LYPD8: variants seen among roughly 807,000 people sequenced by gnomAD.
LYPD8 encodes the protein LY6/PLAUR domain containing 8, also known as ly6/PLAUR domain-containing protein 8.
In LYPD8, 8 loss-of-function variants were observed where a neutral mutation model predicts 1.7. The ratio of observed to expected loss-of-function variants is 4.58; its 90% CI spans 2.69 to 8.27. The LOEUF (loss-of-function observed/expected upper bound fraction) is 8.27. LYPD8 is among the 30% of genes most tolerant of loss of function. The pLI is 0.00. For synonymous variants in LYPD8, 50 were observed against 43.6 expected (o/e 1.15, Z -0.58); for missense variants, 112 against 102.3 (o/e 1.09, Z -0.41).
chr1:248,741,125 A>G (rs929595988), intron 6 of LYPD8, among the ~76,000 whole-genome samples: 6 of 152,192 alleles, frequency 3.9e-5, no homozygotes, highest in African/African-American at 1.2e-4. Context: ...AACAGCAACA[A>G]CAACAAAGGC....
chr1:248,743,219 C>A (rs558319734), intron 6 of LYPD8, among the ~76,000 whole-genome samples: 8 of 152,268 alleles, frequency 5.3e-5, no homozygotes, highest in African/African-American at 1.9e-4. Flanking sequence ...AATCCCAGCA[C>A]CTTCGGAGAC....
In LYPD8 at chr1:248,740,697, G is replaced by C. The variant is rs1553283233; in HGVS notation, c.476-848C>G. On this transcript the variant is annotated intron_variant, in intron 6 of 6. Coordinates refer to ENST00000590317, the MANE Select transcript of LYPD8 (RefSeq NM_001085474.2). ...AGCAGGGCCGCAATTTGAGTTCAAG[G>C]CTGGCTCTAGGACCAGGCATGAAGC... is the stretch of plus-strand genomic sequence containing the variant. 1.3e-5 allele frequency among the ~76,000 whole-genome samples: 2 copies of C among 148,286 alleles called. 1 individual carries two copies. Among genetic ancestry groups the C allele is most frequent in the Non-Finnish European group, 2.9e-5 (2 of 67,892 alleles).
intron 2 of LYPD8, among the ~76,000 whole-genome samples, chr1:248,752,806 AACAC>A (rs1279786243): frequency 2.7e-5 from 2 of 73,928 alleles, no homozygotes; most frequent in East Asian, 5.7e-4. Context: ...CACACCCCAC[AACAC>A]ACACACATCA....
Position 248,739,846 on chromosome 1 carries a change from ATGTC to A in LYPD8, c.476-1_478del. The A allele has an allele frequency of 6.4e-7, 1 of 1,551,708 alleles. No individual in the cohort carries two copies. The highest frequency in any genetic ancestry group is 8.7e-7 in the Non-Finnish European group (1 of 1,146,984). On this transcript the variant is annotated splice_acceptor_variant and coding_sequence_variant, in exon 7 of 7. Coordinates refer to ENST00000590317, the MANE Select transcript of LYPD8 (RefSeq NM_001085474.2). LOFTEE classifies it high-confidence loss of function. This position sits in a 1 kb window ranked among gnomAD's most constrained non-coding sequence, Gnocchi z 4.3. ...TTTCAGCACGAGACTCTTAGACTCAATGTCTGTGAATGCAAAGGAGACAGGAGGG... is the reference window on the plus strand; with the variant it reads ...TTTCAGCACGAGACTCTTAGACTCAATGTGAATGCAAAGGAGACAGGAGGG...
At chr1:248,748,833 C>A (rs1051998017) in intron 4 of LYPD8, among the ~76,000 whole-genome samples, 4 of 152,160 alleles carry the variant, frequency 2.6e-5, no homozygotes, top group Admixed American at 6.5e-5. Flanking sequence ...AAAAATTGAA[C>A]CTGAATCCAG....
intron 2 of LYPD8, among the ~76,000 whole-genome samples, chr1:248,753,897 T>A: frequency 7.4e-6 from 1 of 135,896 alleles, no homozygotes; most frequent in African/African-American, 2.9e-5. Context: ...ACACCACACA[T>A]CACATGTCAT....
chr1:248,753,544 A>ACCC (rs1572156884), intron 2 of LYPD8, among the ~76,000 whole-genome samples: 21 of 114,700 alleles, frequency 1.8e-4, no homozygotes, highest in African/African-American at 7.6e-4. Context: ...ACACCACATC[A>ACCC]CACAAAACAC....
chr1:248,754,045 G>A (rs1202911592), intron 2 of LYPD8, among the ~76,000 whole-genome samples: 1 of 131,408 alleles, frequency 7.6e-6, no homozygotes. Flanking sequence ...CACATCACAT[G>A]TCACAAACAC....
intron 5 of LYPD8, 49 bp downstream of exon 5, chr1:248,748,240 C>T (rs1204364566): frequency 4.8e-5 from 18 of 375,604 alleles, no homozygotes; most frequent in East Asian, 4.3e-4. Context: ...GGGCATCCCC[C>T]GCACGGCCAG....
intron 6 of LYPD8, among the ~76,000 whole-genome samples, chr1:248,742,433 A>G (rs1441100102): frequency 2.2e-4 from 2 of 8,968 alleles, no homozygotes; most frequent in African/African-American, 1.2e-3. Context: ...GTCGGGGGAG[A>G]TTATGCTCTG....
rs782564451 is a variant in LYPD8, at chr1:248,739,705, G to C, written c.620C>G (p.Thr207Arg). 1.3e-6 allele frequency: 2 copies of C among 1,551,734 alleles called. No homozygotes were observed. The highest frequency in any genetic ancestry group is 2.4e-5 in the South Asian group (2 of 84,066). The change falls in exon 7 of 7, where the codon ACG (threonine) becomes AGG (arginine). Residue 207 changes from threonine to arginine, a missense_variant. Transcript: ENST00000590317. This position sits in a 1 kb window ranked among gnomAD's most constrained non-coding sequence, Gnocchi z 4.3. ...ECANVNSLTP[T>R]SAPTTSHNVG... Reference sequence around the variant, plus strand: ...GTTGTGGGAAGTGGTTGGTGCAGACGTGGGGGTTAAGCTGTTTACATTTGC... The same window carrying C: ...GTTGTGGGAAGTGGTTGGTGCAGACCTGGGGGTTAAGCTGTTTACATTTGC...
At chr1:248,743,637 C>A (rs73148531) in intron 6 of LYPD8, among the ~76,000 whole-genome samples, 17,856 of 152,178 alleles carry the variant, frequency 0.12, 3,267 homozygotes, top group African/African-American at 0.39. Context: ...AACTCTTACG[C>A]TTTTGAGCCA....
intron 5 of LYPD8, among the ~76,000 whole-genome samples, chr1:248,746,361 GAA>G (rs1283873384): frequency 2.6e-5 from 4 of 152,324 alleles, no homozygotes; most frequent in African/African-American, 9.6e-5. Context: ...TCTTCACTAA[GAA>G]AGAGGGGAGG....
chr1:248,749,499 A>T lies in LYPD8; in HGVS notation c.172+1025T>A, dbSNP rs1010319690. Among the ~76,000 whole-genome samples, 100 of 152,362 alleles carry T rather than the reference A, an allele frequency of 6.6e-4. 1 individual carries two copies. The South Asian group carries it at 0.02, about 31-fold the overall frequency. On this transcript the variant is annotated intron_variant, in intron 4 of 6. Transcript: ENST00000590317. The stretch of plus-strand genomic sequence containing the variant: ...TACAGTACTAGAGTCTGCAAAGTAC[A>T]ACATCAAAGTGCCAGCCTCTGGTGA...
At chr1:248,752,258 T>G (rs1662811755) in intron 2 of LYPD8, among the ~76,000 whole-genome samples, 1 of 151,898 alleles carries the variant, frequency 6.6e-6, no homozygotes, top group African/African-American at 2.4e-5. Flanking sequence ...AGAGTCCCAG[T>G]GGACAGTACT....
In LYPD8 at chr1:248,739,442, A is replaced by C. The variant is rs527723724; in HGVS notation, c.*169T>G. 3.6e-4 allele frequency: 323 copies of C among 888,094 alleles called. 1 individual carries two copies. The highest frequency in any genetic ancestry group is 3.5e-3 in the Middle Eastern group (10 of 2,846). The allele number at this position is 888,094 out of a possible 1,614,324, so 55.0% of individuals were successfully genotyped here. On this transcript the variant is annotated 3_prime_UTR_variant, in exon 7 of 7. Transcript: ENST00000590317. This position sits in a 1 kb window ranked among gnomAD's most constrained non-coding sequence, Gnocchi z 4.3. ...TGGGCAGTGAATGAACCAGTGCTTT[A>C]ATAATGAAGAACAAGGCAGCTGTCG... is the stretch of plus-strand genomic sequence containing the variant.
chr1:248,749,010 A>G (rs895624010), intron 4 of LYPD8, among the ~76,000 whole-genome samples: 2 of 152,262 alleles, frequency 1.3e-5, no homozygotes, highest in Non-Finnish European at 2.9e-5. Flanking sequence ...AGTATGGCAC[A>G]GTGTTAATAC....
intron 2 of LYPD8, among the ~76,000 whole-genome samples, chr1:248,753,872 C>A (rs990644415): frequency 1.3e-4 from 20 of 149,042 alleles, no homozygotes; most frequent in African/African-American, 5.0e-4. Flanking sequence ...ACCACACACC[C>A]CATGCATCAC....
chr1:248,751,284 C>T (rs1196434662), intron 2 of LYPD8, among the ~76,000 whole-genome samples, 154 bp from the exon 3 acceptor site: 38 of 152,304 alleles, frequency 2.5e-4, no homozygotes, highest in Admixed American at 2.0e-3. Flanking sequence ...GCTGATTCCA[C>T]CCTGCTGCAA....
Sources: allele counts gnomAD v4.1 joint callset (sites outside exome capture counted in the v4.1 genomes callset), GRCh38; gene constraint gnomAD v4.1.1; non-coding constraint Gnocchi (gnomAD v3.1); transcripts MANE v1.5; gene names NCBI Gene and HGNC (gene_info 2026-07-23, HGNC 2026-07-21).